Variants in CYP3A5 observed in about 807,000 individuals in gnomAD.
CYP3A5 encodes cytochrome P450 family 3 subfamily A member 5.
Under a neutral mutation model 55.9 loss-of-function variants are expected in CYP3A5, and 51 were observed. The observed-to-expected ratio is 0.91, with a 90% CI of 0.73 to 1.15. The LOEUF is 1.15. Ranked by LOEUF, CYP3A5 falls within the 50% of genes most tolerant of loss-of-function variation. CYP3A5 has a pLI of 0.00. For synonymous variants in CYP3A5, 196 were observed against 213.9 expected (o/e 0.92, Z 0.73); for missense variants, 533 against 596.6 (o/e 0.89, Z 1.11).
chr7:99,674,840 A>C (rs1433566488), intron 2 of CYP3A5, among the ~76,000 whole-genome samples: 1 of 152,200 alleles, frequency 6.6e-6, no homozygotes, highest in Non-Finnish European at 1.5e-5. Flanking sequence ...ACCAGTAAGT[A>C]ATTCCTTGTC....
intron 10 of CYP3A5, among the ~76,000 whole-genome samples, chr7:99,657,128 T>C (rs1809825951): frequency 1.3e-5 from 2 of 152,242 alleles, no homozygotes; most frequent in African/African-American, 4.8e-5. Context: ...CTGCTATCTT[T>C]TGAATGTGTT....
chr7:99,652,410 T>A (rs1421829977), intron 11 of CYP3A5, 143 bp downstream of exon 11: 1 of 605,378 alleles, frequency 1.7e-6, no homozygotes, highest in Non-Finnish European at 2.8e-6. Flanking sequence ...TTGTAAAGTT[T>A]GATAATTATC....
intron 10 of CYP3A5, among the ~76,000 whole-genome samples, chr7:99,657,031 G>C (rs1459597626): frequency 6.6e-6 from 1 of 152,046 alleles, no homozygotes; most frequent in African/African-American, 2.4e-5. Flanking sequence ...CAAAAAACCA[G>C]CTCCTGGATT....
chr7:99,651,263 T>TAC (rs1446355549), intron 11 of CYP3A5, among the ~76,000 whole-genome samples: 1 of 152,144 alleles, frequency 6.6e-6, no homozygotes, highest in Non-Finnish European at 1.5e-5. Context: ...AATATATATA[T>TAC]ACACACACAT....
chr7:99,672,145 A>G (rs918305763), intron 4 of CYP3A5, among the ~76,000 whole-genome samples: 1 of 152,050 alleles, frequency 6.6e-6, no homozygotes, highest in Non-Finnish European at 1.5e-5. Context: ...TCCGCCTCCC[A>G]GGTTCAAGCG....
chr7:99,667,105 G>A, intron 4 of CYP3A5, 40 bp from the exon 5 acceptor site: 1 of 1,568,306 alleles, frequency 6.4e-7, no homozygotes, highest in Non-Finnish European at 8.8e-7. Flanking sequence ...CATTAGTTGT[G>A]GTGATCTTCA....
At chr7:99,676,268 G>T (rs1468179536) in intron 1 of CYP3A5, 60 bp from the exon 2 acceptor site, 1 of 1,608,416 alleles carries the variant, frequency 6.2e-7, no homozygotes, top group Non-Finnish European at 8.5e-7. Context: ...CAGAGGGCTG[G>T]TGAGTTACTC....
intron 10 of CYP3A5, among the ~76,000 whole-genome samples, chr7:99,654,784 G>A (rs1273701971): frequency 8.5e-5 from 13 of 152,160 alleles, no homozygotes; most frequent in South Asian, 2.1e-4. Context: ...TCTAACTGGC[G>A]TGAGATGGTA....
At chr7:99,672,414 A>G (rs966490791) in intron 4 of CYP3A5, among the ~76,000 whole-genome samples, 166 bp downstream of exon 4, 5 of 152,142 alleles carry the variant, frequency 3.3e-5, no homozygotes, top group Non-Finnish European at 5.9e-5. Context: ...ATATATTGCA[A>G]TATACAAGAT....
intron 10 of CYP3A5, among the ~76,000 whole-genome samples, chr7:99,654,141 T>A (rs1048181910): frequency 2.0e-5 from 3 of 152,182 alleles, no homozygotes; most frequent in African/African-American, 7.2e-5. Context: ...GCAGGTTTGT[T>A]ACATATGTAT....
At position 99,660,515 on chromosome 7, in the gene CYP3A5, G is replaced by GC; in HGVS notation, c.1009dup (p.Ala337GlyfsTer6). 1 of 1,612,512 alleles carries GC rather than the reference G, an allele frequency of 6.2e-7. No individual in the cohort carries two copies. The highest frequency in any genetic ancestry group is 1.1e-5 in the South Asian group (1 of 90,872). On this transcript the variant is annotated frameshift_variant, in exon 10 of 13. Transcript: ENST00000222982. LOFTEE classifies it high-confidence loss of function. The stretch of plus-strand genomic sequence containing the variant: ...TCCCCTCACCTTATTGGGCAAAACT[G>GC]CATCAATCTCCTTTTGCAGTTTCTG...
rs773598414 is a variant in CYP3A5 at position 99,676,258 on chromosome 7, C to T, written c.72-50G>A. 3.7e-6 allele frequency: 6 copies of T among 1,610,256 alleles called. No homozygotes were observed. The East Asian group carries it at 1.3e-4, about 36-fold the overall frequency. On this transcript the variant is annotated intron_variant, in intron 1 of 12. Transcript: ENST00000222982. ...TCACAGGGATTGTGACTTTATAGAT[C>T]AGAGGGCTGGTGAGTTACTCAGGAA... is the stretch of plus-strand genomic sequence containing the variant.
chr7:99,679,198 G>A (rs535892566), intron 1 of CYP3A5, among the ~76,000 whole-genome samples: 6 of 152,288 alleles, frequency 3.9e-5, no homozygotes, highest in Non-Finnish European at 5.9e-5. Context: ...GTGTATGACA[G>A]GGTGGAGGAG....
At chr7:99,657,341 C>T (rs1809856577) in intron 10 of CYP3A5, among the ~76,000 whole-genome samples, 1 of 152,090 alleles carries the variant, frequency 6.6e-6, no homozygotes, top group South Asian at 2.1e-4. Flanking sequence ...TCGTTATGTA[C>T]CCAGTAGTCA....
At position 99,650,140 on chromosome 7, in the gene CYP3A5, A is replaced by G. The variant is rs141469784; in HGVS notation, c.1346T>C (p.Met449Thr). ...TCTGATTAGAGCAAGTTTCATGTTC[A>G]TGAGAGCAAACCTCATGCCAATGCA... Reference protein sequence around the residue: ...RNCIGMRFALMNMKLALIRVL... With the variant: ...RNCIGMRFALTNMKLALIRVL... The change falls in exon 12 of 13, where the codon ATG becomes ACG. Residue 449 changes from methionine to threonine, a missense_variant. Met to Thr is a moderately conservative substitution (Grantham distance 81). Coordinates refer to ENST00000222982, the MANE Select transcript of CYP3A5 (RefSeq NM_000777.5). 5 of 1,614,078 alleles carry G rather than the reference A, an allele frequency of 3.1e-6. No individual in the cohort carries two copies. The highest frequency in any genetic ancestry group is 3.3e-5 in the Admixed American group (2 of 60,012).
At position 99,653,887 on chromosome 7, in the gene CYP3A5, G is replaced by A. The variant is rs1000811433; in HGVS notation, c.1027-1108C>T. Among the ~76,000 whole-genome samples the A allele has an allele frequency of 6.6e-6, 1 of 152,314 alleles. No individual in the cohort carries two copies. The highest frequency in any genetic ancestry group is 1.9e-4 in the East Asian group (1 of 5,188). On this transcript the variant is annotated intron_variant, in intron 10 of 12. Transcript: ENST00000222982. This position sits in a 1 kb window ranked among gnomAD's most constrained non-coding sequence, Gnocchi z 4.2. ...AGTCAGATACCCTGGTTCCTAGCTTGGCTTCTTGGCCAGTGGCTACCTGAC... is the reference window on the plus strand; with the variant it reads ...AGTCAGATACCCTGGTTCCTAGCTTAGCTTCTTGGCCAGTGGCTACCTGAC...
At chr7:99,660,262 A>G in intron 10 of CYP3A5, 1 of 252,630 alleles carries the variant, frequency 4.0e-6, no homozygotes, top group Non-Finnish European at 5.3e-6. Context: ...CATTATTGTG[A>G]TAACAGTAAA....
chr7:99,662,971 G>A lies in CYP3A5; in HGVS notation c.799-89C>T. The A allele has an allele frequency of 1.0e-5, 16 of 1,573,210 alleles. No individual in the cohort carries two copies. The highest frequency in any genetic ancestry group is 5.3e-5 in the Admixed American group (3 of 56,450). On this transcript the variant is annotated intron_variant, in intron 8 of 12. Coordinates refer to ENST00000222982, the MANE Select transcript of CYP3A5 (RefSeq NM_000777.5). This position sits in a 1 kb window ranked among gnomAD's most constrained non-coding sequence, Gnocchi z 4.3. ...AGTGCAGTCCTCAACCTCCCTTCTT[G>A]ACTTCCCTCCCTCAACCTCCCTATG...
chr7:99,667,327 A>G (rs1401675752), intron 4 of CYP3A5, among the ~76,000 whole-genome samples: 5 of 152,126 alleles, frequency 3.3e-5, no homozygotes, highest in Admixed American at 3.3e-4. Context: ...TTTAATTGCA[A>G]ATGCTCCACG....
Sources: gnomAD v4.1 joint callset for allele counts (sites outside exome capture counted in the v4.1 genomes callset) on GRCh38, gnomAD v4.1.1 for gene constraint, Gnocchi (gnomAD v3.1) non-coding constraint, MANE v1.5 for transcripts, NCBI Gene and HGNC (gene_info 2026-07-23, HGNC 2026-07-21) for gene names.